FAT3: variants seen among roughly 807,000 people sequenced by gnomAD.
FAT3 encodes FAT atypical cadherin 3.
FAT3 carries 95 observed loss-of-function variants against 310.2 expected under a neutral mutation model. The ratio of observed to expected loss-of-function variants is 0.31; its 90% CI spans 0.26 to 0.36. The LOEUF (loss-of-function observed/expected upper bound fraction) is 0.36. FAT3 is among the 10% of genes least tolerant of loss of function. FAT3 has a pLI of 1.00. For synonymous variants in FAT3, 2,314 were observed against 2,192.9 expected (o/e 1.06, Z -1.54); for missense variants, 5,408 against 5,715.6 (o/e 0.95, Z 1.74).
chr11:92,457,780 G>A (rs976887523), intron 2 of FAT3, among the ~76,000 whole-genome samples: 2 of 152,046 alleles, frequency 1.3e-5, no homozygotes, highest in African/African-American at 2.4e-5. Flanking sequence ...AAATTAGCCC[G>A]GTACGGTGGC....
intron 1 of FAT3, among the ~76,000 whole-genome samples, chr11:92,289,193 G>A (rs1946630654): frequency 6.6e-6 from 1 of 152,140 alleles, no homozygotes; most frequent in Admixed American, 6.5e-5. Flanking sequence ...TTGGCTGGCA[G>A]TTTAGAAATT....
At chr11:92,810,108 C>T (rs763246421) in intron 13 of FAT3, 32 bp downstream of exon 13, 4 of 1,575,542 alleles carry the variant, frequency 2.5e-6, no homozygotes, top group South Asian at 2.3e-5. Flanking sequence ...CCCTGTCACA[C>T]AGTGGACACT....
intron 15 of FAT3, among the ~76,000 whole-genome samples, chr11:92,836,068 C>A (rs1337473914): frequency 6.6e-6 from 1 of 152,124 alleles, no homozygotes; most frequent in Non-Finnish European, 1.5e-5. Context: ...CTGGAAAGTA[C>A]ATGACTGTTT....
intron 3 of FAT3, among the ~76,000 whole-genome samples, chr11:92,657,391 A>G (rs1304304463): frequency 6.6e-6 from 1 of 152,244 alleles, no homozygotes; most frequent in African/African-American, 2.4e-5. Flanking sequence ...TTCAGTCAAC[A>G]GCATTTGATT....
rs143381262 is a variant in FAT3, at chr11:92,593,770, C to G, written c.3607+68822C>G. On this transcript the variant is annotated intron_variant, in intron 3 of 27. Coordinates refer to ENST00000525166, the MANE Select transcript of FAT3 (RefSeq NM_001367949.2). The stretch of plus-strand genomic sequence containing the variant: ...GCAGATACTATTTAAAATGTATTTG[C>G]TAATCTCTTATCGGAATGCATGCCA... Among the ~76,000 whole-genome samples the G allele has an allele frequency of 1.2e-3, 184 of 152,298 alleles. 1 individual carries two copies. Among genetic ancestry groups the G allele is most frequent in the East Asian group, 2.3e-3 (12 of 5,186 alleles).
rs565247410 is a variant in FAT3, at chr11:92,494,953, A to G, written c.3293-29681A>G. Reference sequence around the variant, plus strand: ...CGAAACATTATATAGGGACAGCATGAAAACTGATTTAGGAAATGAATTTTT... The same window carrying G: ...CGAAACATTATATAGGGACAGCATGGAAACTGATTTAGGAAATGAATTTTT... On this transcript the variant is annotated intron_variant, in intron 2 of 27. Transcript: ENST00000525166. 2.6e-5 allele frequency among the ~76,000 whole-genome samples: 4 copies of G among 152,202 alleles called. No homozygotes were observed. In the South Asian group the frequency reaches 8.3e-4, roughly 31 times the overall value.
At chr11:92,296,717 G>A (rs1213765469) in intron 1 of FAT3, among the ~76,000 whole-genome samples, 1 of 152,096 alleles carries the variant, frequency 6.6e-6, no homozygotes. Flanking sequence ...GATCTCAGTG[G>A]TTAGCCTGCC....
At chr11:92,477,666 A>G (rs1952084222) in intron 2 of FAT3, among the ~76,000 whole-genome samples, 1 of 152,190 alleles carries the variant, frequency 6.6e-6, no homozygotes, top group African/African-American at 2.4e-5. Context: ...AAGACAGAAA[A>G]TGTGTTATTT....
At chr11:92,674,718 G>T (rs958716282) in intron 3 of FAT3, among the ~76,000 whole-genome samples, 7 of 151,764 alleles carry the variant, frequency 4.6e-5, no homozygotes, top group African/African-American at 1.7e-4. Flanking sequence ...GTGTGGAGAC[G>T]GGGTCTCGCT....
intron 6 of FAT3, 106 bp downstream of exon 6, chr11:92,765,195 A>C: frequency 1.0e-6 from 1 of 959,470 alleles, no homozygotes; most frequent in Admixed American, 2.9e-5. Flanking sequence ...AATTAGTGCC[A>C]AGATTAAAAG....
At chr11:92,565,637 A>C (rs11020003) in intron 3 of FAT3, among the ~76,000 whole-genome samples, 126,031 of 148,872 alleles carry the variant, frequency 0.85, 53,527 homozygotes, top group Middle Eastern at 0.92. Context: ...AAAAATCCTC[A>C]ATAAAATACT....
At chr11:92,638,399 C>T (rs1269462216) in intron 3 of FAT3, among the ~76,000 whole-genome samples, 1 of 152,154 alleles carries the variant, frequency 6.6e-6, no homozygotes, top group Non-Finnish European at 1.5e-5. Context: ...TAGCTAAGAT[C>T]TCCAGTGTAT....
chr11:92,471,734 G>T (rs1160451079), intron 2 of FAT3, among the ~76,000 whole-genome samples: 1 of 151,846 alleles, frequency 6.6e-6, no homozygotes, highest in Non-Finnish European at 1.5e-5. Context: ...CCTTCTAATG[G>T]CAGGAAACTG....
intron 2 of FAT3, among the ~76,000 whole-genome samples, chr11:92,483,380 G>C (rs1040316157): frequency 1.3e-5 from 2 of 151,372 alleles, no homozygotes; most frequent in African/African-American, 4.9e-5. Context: ...CTGTCTCCCA[G>C]GCTGGAGTGC....
intron 4 of FAT3, among the ~76,000 whole-genome samples, chr11:92,718,548 C>T (rs1338549473): frequency 6.6e-6 from 1 of 152,112 alleles, no homozygotes; most frequent in Non-Finnish European, 1.5e-5. Context: ...TGAAAAATGG[C>T]ATCAATCTTG....
intron 7 of FAT3, among the ~76,000 whole-genome samples, chr11:92,779,924 A>G (rs1946699939): frequency 6.6e-6 from 1 of 152,156 alleles, no homozygotes; most frequent in African/African-American, 2.4e-5. Context: ...ACGCAGCCTT[A>G]AGGAGCTGAG....
At chr11:92,864,276 C>T (rs1482970218) in intron 21 of FAT3, among the ~76,000 whole-genome samples, 1 of 152,110 alleles carries the variant, frequency 6.6e-6, no homozygotes, top group Non-Finnish European at 1.5e-5. Flanking sequence ...ATAAATTGCA[C>T]TCTCACCACC....
chr11:92,709,066 G>A (rs1442599066), intron 4 of FAT3, among the ~76,000 whole-genome samples: 2 of 152,172 alleles, frequency 1.3e-5, no homozygotes, highest in East Asian at 1.9e-4. Flanking sequence ...GCATCCAGGA[G>A]CTCCATAAAT....
At chr11:92,327,153 T>A (rs1209681901) in intron 1 of FAT3, among the ~76,000 whole-genome samples, 1 of 152,158 alleles carries the variant, frequency 6.6e-6, no homozygotes, top group Non-Finnish European at 1.5e-5. Flanking sequence ...TTTGTCTGTG[T>A]TGAAAAGAAA....
Sources: allele counts gnomAD v4.1 joint callset (sites outside exome capture counted in the v4.1 genomes callset), GRCh38; gene constraint gnomAD v4.1.1; transcripts MANE v1.5; gene names NCBI Gene and HGNC (gene_info 2026-07-23, HGNC 2026-07-21).